CLIP1: variants seen among roughly 807,000 people sequenced by gnomAD.
CLIP1 encodes CAP-Gly domain containing linker protein 1, also known as CAP-Gly domain-containing linker protein 1.
CLIP1 carries 66 observed loss-of-function variants against 161.6 expected under a neutral mutation model. The ratio of observed to expected loss-of-function variants is 0.41; its 90% CI spans 0.33 to 0.50. The LOEUF (loss-of-function observed/expected upper bound fraction) is 0.50, where lower values mean the gene tolerates loss of function less well. Among genes scored for constraint, CLIP1 ranks in the 20% least tolerant of loss-of-function variants. CLIP1 has a pLI of 0.27. For missense variants in CLIP1, 1,376 were observed against 1,702.0 expected (o/e 0.81, Z 3.37); for synonymous variants, 598 against 626.2 (o/e 0.96, Z 0.67).
intron 1 of CLIP1, among the ~76,000 whole-genome samples, chr12:122,418,665 G>C (rs1001323544): frequency 1.3e-5 from 2 of 152,114 alleles, no homozygotes; most frequent in African/African-American, 4.8e-5. Context: ...AGGCTGAAGT[G>C]GGAGGACTGC....
Position 122,377,468 on chromosome 12 carries a change from C to T in CLIP1, c.578G>A (p.Ser193Asn). The T allele has an allele frequency of 2.5e-6, 4 of 1,614,108 alleles. No individual in the cohort carries two copies. Among genetic ancestry groups the T allele is most frequent in the South Asian group, 1.1e-5 (1 of 91,084 alleles). The change falls in exon 3 of 26, where the codon AGT becomes AAT. Residue 193 changes from serine (S) to asparagine (N), a missense_variant. By Grantham distance (46) the Ser-to-Asn change is conservative. Around this residue, in one of 6 missense-constraint regions of CLIP1, gnomAD observed 119 missense variants for 112.0 expected, o/e 1.06. Coordinates refer to ENST00000620786, the MANE Select transcript of CLIP1 (RefSeq NM_001247997.2). ...CTCTGAAAGGTTGGAGATAGATTCA[C>T]TGGCAGTTTTTGTAAGGTTGCTGAT... ...PPISNLTKTA[S>N]ESISNLSEAG...
At chr12:122,399,481 G>A (rs1428969221) in intron 1 of CLIP1, 1 of 152,204 alleles carries the variant, frequency 6.6e-6, no homozygotes, top group Admixed American at 6.6e-5. Context: ...GGCACACATA[G>A]AGCGGCATCA....
intron 24 of CLIP1, among the ~76,000 whole-genome samples, chr12:122,276,035 A>C (rs1955413276): frequency 6.6e-6 from 1 of 152,132 alleles, no homozygotes. Flanking sequence ...AAAAACAAAA[A>C]ATTTCTTCCT....
At chr12:122,287,242 G>A (rs1337225013) in intron 21 of CLIP1, among the ~76,000 whole-genome samples, 2 of 152,166 alleles carry the variant, frequency 1.3e-5, no homozygotes, top group African/African-American at 4.8e-5. Context: ...CCTTTAGAAT[G>A]TGGCTTACGG....
chr12:122,315,383 C>T (rs1951220913), intron 19 of CLIP1, among the ~76,000 whole-genome samples: 1 of 152,132 alleles, frequency 6.6e-6, no homozygotes, highest in Non-Finnish European at 1.5e-5. Context: ...TAGGTTAATA[C>T]GGTTGATACA....
At chr12:122,326,488 T>G (rs1951717218) in intron 17 of CLIP1, among the ~76,000 whole-genome samples, 1 of 152,222 alleles carries the variant, frequency 6.6e-6, no homozygotes, top group Non-Finnish European at 1.5e-5. Context: ...GAGACCAGCC[T>G]GAGCAACATA....
At chr12:122,348,908 C>T (rs1424563026) in intron 9 of CLIP1, among the ~76,000 whole-genome samples, 3 of 152,142 alleles carry the variant, frequency 2.0e-5, no homozygotes, top group South Asian at 2.1e-4. Context: ...CAGTGGGACT[C>T]GGGGACCTCA....
At chr12:122,285,012 AT>A (rs1955792116) in intron 21 of CLIP1, among the ~76,000 whole-genome samples, 1 of 152,072 alleles carries the variant, frequency 6.6e-6, no homozygotes, top group African/African-American at 2.4e-5. Flanking sequence ...CTTCTCAGGC[AT>A]GATCAGAGTG....
intron 20 of CLIP1, among the ~76,000 whole-genome samples, chr12:122,290,871 T>A (rs897476288): frequency 2.0e-4 from 30 of 151,512 alleles, no homozygotes; most frequent in East Asian, 5.8e-4. Flanking sequence ...TTTTTTATTT[T>A]TTTTTATTTT....
intron 20 of CLIP1, among the ~76,000 whole-genome samples, chr12:122,304,071 T>C (rs1950782735): frequency 6.6e-6 from 1 of 152,190 alleles, no homozygotes; most frequent in African/African-American, 2.4e-5. Context: ...TCAGCTGCAG[T>C]TTGTTGGCTG....
chr12:122,281,129 C>T (rs897002266), intron 21 of CLIP1, among the ~76,000 whole-genome samples: 1 of 152,170 alleles, frequency 6.6e-6, no homozygotes, highest in African/African-American at 2.4e-5. Flanking sequence ...GTATTTATCT[C>T]ATTGTGTGGC....
chr12:122,402,860 ACATTTT>A (rs1397411013), intron 1 of CLIP1, among the ~76,000 whole-genome samples: 1 of 152,222 alleles, frequency 6.6e-6, no homozygotes, highest in East Asian at 1.9e-4. Flanking sequence ...AAAATTATTA[ACATTTT>A]ACATTCTTTT....
At chr12:122,352,995 A>T (rs944250904) in intron 7 of CLIP1, among the ~76,000 whole-genome samples, 19 of 117,426 alleles carry the variant, frequency 1.6e-4, no homozygotes, top group South Asian at 2.4e-4. Flanking sequence ...CCTTATATTT[A>T]AAAAAAAAAA....
At chr12:122,420,934 CATTG>C (rs202216278) in intron 1 of CLIP1, among the ~76,000 whole-genome samples, 86 of 151,706 alleles carry the variant, frequency 5.7e-4, no homozygotes, top group African/African-American at 1.9e-3. Context: ...GGCTCCCTCT[CATTG>C]ATTGATTGAT....
At chr12:122,287,856 A>G (rs561220210) in intron 21 of CLIP1, among the ~76,000 whole-genome samples, 1 of 152,332 alleles carries the variant, frequency 6.6e-6, no homozygotes, top group East Asian at 1.9e-4. Flanking sequence ...CAGTATTTAT[A>G]TCCAGATCAA....
chr12:122,371,778 A>G (rs1954464325), intron 3 of CLIP1, among the ~76,000 whole-genome samples: 1 of 152,190 alleles, frequency 6.6e-6, no homozygotes. Flanking sequence ...AAAACTGGGG[A>G]ACCCTCTCAA....
At chr12:122,405,972 C>T (rs1405126999) in intron 1 of CLIP1, among the ~76,000 whole-genome samples, 1 of 152,010 alleles carries the variant, frequency 6.6e-6, no homozygotes, top group South Asian at 2.1e-4. Flanking sequence ...AAGGCTGAGG[C>T]AGGAGAATCG....
At chr12:122,284,418 T>A (rs181136326) in intron 21 of CLIP1, among the ~76,000 whole-genome samples, 1 of 152,054 alleles carries the variant, frequency 6.6e-6, no homozygotes, top group East Asian at 1.9e-4. Flanking sequence ...AATGGCGCGA[T>A]CTCGGCGCAC....
chr12:122,394,757 G>A (rs930220557), intron 1 of CLIP1, among the ~76,000 whole-genome samples: 4 of 151,576 alleles, frequency 2.6e-5, no homozygotes, highest in East Asian at 1.9e-4. Flanking sequence ...GTGGTGGTGC[G>A]CGCCTGTAAT....
Sources: allele counts gnomAD v4.1 joint callset (sites outside exome capture counted in the v4.1 genomes callset), GRCh38; gene constraint gnomAD v4.1.1; regional missense constraint gnomAD v4.1.1; transcripts MANE v1.5; gene names NCBI Gene and HGNC (gene_info 2026-07-23, HGNC 2026-07-21).